RALYL: variants seen among roughly 807,000 people sequenced by gnomAD.
RALYL encodes the protein RNA-binding Raly-like protein.
A neutral mutation model predicts 35.1 loss-of-function variants in RALYL; 29 were observed. The ratio of observed to expected loss-of-function variants is 0.83; its 90% confidence interval spans 0.61 to 1.13. The LOEUF (loss-of-function observed/expected upper bound fraction) is 1.13, where lower values mean the gene tolerates loss of function less well. Among genes scored for constraint, RALYL ranks in the 50% most tolerant of loss-of-function variants. The pLI is 0.00. For missense variants in RALYL, 359 were observed against 360.4 expected (o/e 1.00, Z 0.03); for synonymous variants, 120 against 127.6 (o/e 0.94, Z 0.40).
chr8:84,513,958 G>A (rs1364217014), intron 1 of RALYL, among the ~76,000 whole-genome samples: 3 of 151,796 alleles, frequency 2.0e-5, no homozygotes, highest in African/African-American at 7.3e-5. Context: ...AGCCAGGCAT[G>A]GTGGTGTGTG....
chr8:84,874,971 TCA>T (rs1450048593), intron 7 of RALYL, among the ~76,000 whole-genome samples: 1 of 152,150 alleles, frequency 6.6e-6, no homozygotes, highest in Non-Finnish European at 1.5e-5. Context: ...CATGGTCAAC[TCA>T]CACTAACCCT....
chr8:84,486,695 A>G (rs939472516), intron 1 of RALYL, among the ~76,000 whole-genome samples: 16 of 152,106 alleles, frequency 1.1e-4, no homozygotes, highest in Non-Finnish European at 2.2e-4. Context: ...TAAATTCCAG[A>G]AAATTCATAA....
chr8:84,257,749 G>T (rs1563622194), intron 1 of RALYL, among the ~76,000 whole-genome samples: 1 of 152,084 alleles, frequency 6.6e-6, no homozygotes, highest in Admixed American at 6.6e-5. Flanking sequence ...AACTGGAAAG[G>T]TACGACTCCT....
intron 4 of RALYL, among the ~76,000 whole-genome samples, chr8:84,825,193 C>T (rs925445668): frequency 1.3e-5 from 2 of 152,104 alleles, no homozygotes; most frequent in African/African-American, 4.8e-5. Flanking sequence ...AGGACATGAA[C>T]AGACATTTCT....
At chr8:84,859,001 T>C (rs1340456865) in intron 5 of RALYL, among the ~76,000 whole-genome samples, 3 of 152,090 alleles carry the variant, frequency 2.0e-5, no homozygotes, top group Admixed American at 6.5e-5. Flanking sequence ...GAACAAATAA[T>C]TGGGCAAAAC....
At chr8:84,618,018 C>T (rs941698781) in intron 2 of RALYL, among the ~76,000 whole-genome samples, 4 of 151,812 alleles carry the variant, frequency 2.6e-5, no homozygotes, top group Non-Finnish European at 5.9e-5. Flanking sequence ...AGGATTTTTG[C>T]ATTAATGTTC....
intron 1 of RALYL, among the ~76,000 whole-genome samples, chr8:84,367,318 A>AATTTTTTTTTTT (rs1854572226): frequency 7.3e-5 from 2 of 27,400 alleles, no homozygotes; most frequent in Admixed American, 5.1e-4. Context: ...TAATTTTTGT[A>AATTTTTTTTTTT]TTTTTTTTTT....
intron 8 of RALYL, among the ~76,000 whole-genome samples, chr8:84,907,310 T>TCA (rs71273918): frequency 0.015 from 2,174 of 148,082 alleles, 49 homozygotes; most frequent in African/African-American, 0.042. Context: ...AGATATAGCG[T>TCA]CACACACACA....
At chr8:84,495,775 C>T (rs904521899) in intron 1 of RALYL, among the ~76,000 whole-genome samples, 61 of 152,130 alleles carry the variant, frequency 4.0e-4, no homozygotes, top group African/African-American at 9.1e-4. Flanking sequence ...TAACCTTTGA[C>T]GCTTTTTCAG....
intron 1 of RALYL, among the ~76,000 whole-genome samples, chr8:84,277,422 G>A (rs773125323): frequency 3.9e-5 from 6 of 152,088 alleles, no homozygotes; most frequent in Non-Finnish European, 7.4e-5. Context: ...AGATTTGGGT[G>A]GGGACACAGC....
chr8:84,911,035 T>A (rs969816478), intron 8 of RALYL, among the ~76,000 whole-genome samples: 10 of 152,116 alleles, frequency 6.6e-5, no homozygotes, highest in African/African-American at 2.4e-4. Context: ...AGAGAGTAAC[T>A]ATATCTGGAA....
At chr8:84,193,194 A>G (rs1814409502) in intron 1 of RALYL, among the ~76,000 whole-genome samples, 1 of 152,186 alleles carries the variant, frequency 6.6e-6, no homozygotes. Context: ...TGTGGGAATG[A>G]AATATTACTC....
At position 84,770,203 on chromosome 8, in the gene RALYL, C is replaced by A. The variant is rs145833710; in HGVS notation, c.257-4376C>A. ...TCTTTTACCCTTCACCCCCTCCCAC[C>A]TTTTCCCCCGAGTCCCCAAAGTCCA... On this transcript the variant is annotated intron_variant, in intron 2 of 8. Transcript: ENST00000521268. 4.2e-3 allele frequency among the ~76,000 whole-genome samples: 634 copies of A among 152,240 alleles called. 7 individuals are homozygous for A. Among genetic ancestry groups the A allele is most frequent in the African/African-American group, 0.014 (569 of 41,540 alleles).
intron 2 of RALYL, among the ~76,000 whole-genome samples, chr8:84,714,407 T>C (rs572228476): frequency 6.6e-6 from 1 of 151,864 alleles, no homozygotes; most frequent in East Asian, 1.9e-4. Context: ...ATTTTAAATG[T>C]TTTCACAAAA....
chr8:84,735,749 G>C (rs1232639483), intron 2 of RALYL, among the ~76,000 whole-genome samples: 1 of 150,862 alleles, frequency 6.6e-6, no homozygotes, highest in Non-Finnish European at 1.5e-5. Context: ...TTCTTGCAAG[G>C]ACGATTTTAC....
intron 2 of RALYL, among the ~76,000 whole-genome samples, chr8:84,741,428 G>A (rs1240819749): frequency 6.6e-6 from 1 of 152,066 alleles, no homozygotes; most frequent in African/African-American, 2.4e-5. Context: ...GGCCCTGGAG[G>A]TTGGGAAGTC....
chr8:84,245,393 A>T (rs964337766), intron 1 of RALYL, among the ~76,000 whole-genome samples: 1 of 152,192 alleles, frequency 6.6e-6, no homozygotes, highest in Non-Finnish European at 1.5e-5. Flanking sequence ...GGACAGATTC[A>T]TATGAACAAA....
intron 1 of RALYL, among the ~76,000 whole-genome samples, chr8:84,266,580 G>T (rs1833342014): frequency 1.3e-5 from 2 of 152,158 alleles, no homozygotes; most frequent in Admixed American, 1.3e-4. Context: ...TCTGGCAAGG[G>T]GTGTTTTGAC....
intron 2 of RALYL, among the ~76,000 whole-genome samples, chr8:84,594,146 C>T (rs185772066): frequency 1.3e-5 from 2 of 152,144 alleles, no homozygotes; most frequent in Admixed American, 6.6e-5. Flanking sequence ...CTTCTGATTT[C>T]CCATCCCACT....
Sources: gnomAD v4.1 joint callset for allele counts (sites outside exome capture counted in the v4.1 genomes callset) on GRCh38, gnomAD v4.1.1 for gene constraint, MANE v1.5 for transcripts, NCBI Gene and HGNC (gene_info 2026-07-23, HGNC 2026-07-21) for gene names.